Variants in WDFY2 observed in about 807,000 individuals in gnomAD.
WDFY2 encodes WD repeat and FYVE domain containing 2, also known as WD repeat and FYVE domain-containing protein 2.
In WDFY2, 36 loss-of-function variants were observed where a neutral mutation model predicts 56.4. The ratio of observed to expected loss-of-function variants is 0.64; its 90% CI spans 0.49 to 0.84. The LOEUF (loss-of-function observed/expected upper bound fraction) is 0.84. Among genes scored for constraint, WDFY2 ranks in the 40% least tolerant of loss-of-function variants. WDFY2 has a pLI of 0.00. For synonymous variants in WDFY2, 176 were observed against 183.7 expected (o/e 0.96, Z 0.34); for missense variants, 444 against 512.2 (o/e 0.87, Z 1.29).
At chr13:51,728,534 AC>A in intron 6 of WDFY2, among the ~76,000 whole-genome samples, 1 of 152,214 alleles carries the variant, frequency 6.6e-6, no homozygotes, top group African/African-American at 2.4e-5. Flanking sequence ...CCAGCTACAA[AC>A]CCATGATTTT....
At chr13:51,610,430 T>C (rs1342130500) in intron 1 of WDFY2, among the ~76,000 whole-genome samples, 1 of 152,174 alleles carries the variant, frequency 6.6e-6, no homozygotes, top group Non-Finnish European at 1.5e-5. Flanking sequence ...TTGTATGAAT[T>C]TTTTTGTATG....
intron 1 of WDFY2, among the ~76,000 whole-genome samples, chr13:51,620,165 C>T (rs1404407144): frequency 2.4e-5 from 3 of 123,718 alleles, no homozygotes; most frequent in African/African-American, 6.2e-5. Flanking sequence ...TTTTAAAAAA[C>T]GTAAAATGCT....
chr13:51,690,239 C>A (rs1956128768), intron 3 of WDFY2, among the ~76,000 whole-genome samples: 1 of 150,672 alleles, frequency 6.6e-6, no homozygotes, highest in African/African-American at 2.4e-5. Flanking sequence ...TACATGTGCA[C>A]ATTGTGCAGG....
intron 3 of WDFY2, among the ~76,000 whole-genome samples, chr13:51,692,458 G>T (rs1951760900): frequency 6.6e-6 from 1 of 152,136 alleles, no homozygotes; most frequent in Non-Finnish European, 1.5e-5. Context: ...TAATCATGTG[G>T]TTTTTCTCTT....
At chr13:51,629,826 C>CTTTTTTTTTTTT (rs11432630) in intron 1 of WDFY2, among the ~76,000 whole-genome samples, 22 of 125,128 alleles carry the variant, frequency 1.8e-4, no homozygotes, top group African/African-American at 2.4e-4. Context: ...TCTTTCTTTT[C>CTTTTTTTTTTTT]TTTTTTTTTT....
chr13:51,625,604 ATCC>A (rs1267441459), intron 1 of WDFY2, among the ~76,000 whole-genome samples: 3 of 152,184 alleles, frequency 2.0e-5, no homozygotes, highest in Non-Finnish European at 4.4e-5. Flanking sequence ...TCCATTAAAA[ATCC>A]TCCTCAATTC....
chr13:51,673,245 C>T (rs943723920), intron 2 of WDFY2, among the ~76,000 whole-genome samples: 3 of 152,140 alleles, frequency 2.0e-5, no homozygotes, highest in African/African-American at 2.4e-5. Flanking sequence ...TATTTTAAAT[C>T]ACATTCAAAT....
At chr13:51,746,107 CTGGGATTACA>C (rs1346225195) in intron 7 of WDFY2, among the ~76,000 whole-genome samples, 3 of 151,378 alleles carry the variant, frequency 2.0e-5, no homozygotes, top group African/African-American at 7.3e-5. Context: ...TCCCAAGTAG[CTGGGATTACA>C]TGGGATTACA....
At chr13:51,622,503 A>G (rs1954751514) in intron 1 of WDFY2, among the ~76,000 whole-genome samples, 2 of 152,156 alleles carry the variant, frequency 1.3e-5, no homozygotes, top group African/African-American at 2.4e-5. Context: ...CTCTTTCTCT[A>G]ATTGCATTAA....
intron 3 of WDFY2, among the ~76,000 whole-genome samples, chr13:51,701,542 A>G (rs1951985285): frequency 1.4e-5 from 2 of 145,902 alleles, no homozygotes; most frequent in Non-Finnish European, 3.0e-5. Context: ...AAAAAAAAGT[A>G]ATAACAAAAG....
chr13:51,645,561 A>G (rs986812676), intron 1 of WDFY2, among the ~76,000 whole-genome samples: 4 of 152,038 alleles, frequency 2.6e-5, no homozygotes, highest in East Asian at 1.9e-4. Flanking sequence ...AATGACCTAT[A>G]TAGATAGTGT....
At chr13:51,631,945 C>T (rs1954961189) in intron 1 of WDFY2, among the ~76,000 whole-genome samples, 1 of 152,122 alleles carries the variant, frequency 6.6e-6, no homozygotes, top group Admixed American at 6.5e-5. Flanking sequence ...TATATCCTCC[C>T]TTCCTTAAGA....
At chr13:51,708,242 T>C (rs1593436194) in intron 4 of WDFY2, among the ~76,000 whole-genome samples, 2 of 151,456 alleles carry the variant, frequency 1.3e-5, no homozygotes, top group African/African-American at 4.9e-5. Context: ...GCTGTGATCC[T>C]AGCACTTTGG....
intron 3 of WDFY2, among the ~76,000 whole-genome samples, chr13:51,688,258 G>A (rs1010465252): frequency 6.6e-5 from 10 of 152,280 alleles, no homozygotes; most frequent in Admixed American, 2.0e-4. Context: ...CATTAGTGGC[G>A]TGTGGTGCTT....
intron 3 of WDFY2, among the ~76,000 whole-genome samples, chr13:51,693,227 T>G (rs1951784350): frequency 6.6e-6 from 1 of 152,174 alleles, no homozygotes; most frequent in South Asian, 2.1e-4. Flanking sequence ...TCTGCTAGCT[T>G]TTGAATGTGT....
chr13:51,640,134 G>A (rs1014791058), intron 1 of WDFY2, among the ~76,000 whole-genome samples: 1 of 152,152 alleles, frequency 6.6e-6, no homozygotes, highest in East Asian at 1.9e-4. Flanking sequence ...TATCAATAAA[G>A]GATATTAAAT....
chr13:51,627,954 GAA>G (rs1954869145), intron 1 of WDFY2, among the ~76,000 whole-genome samples: 1 of 152,164 alleles, frequency 6.6e-6, no homozygotes, highest in Admixed American at 6.5e-5. Flanking sequence ...CAGAGGGGAG[GAA>G]GTGCATGCTG....
intron 1 of WDFY2, among the ~76,000 whole-genome samples, chr13:51,641,632 C>T (rs1955161732): frequency 2.0e-5 from 3 of 149,582 alleles, no homozygotes; most frequent in Non-Finnish European, 3.0e-5. Flanking sequence ...CGAGACCATC[C>T]CGGCTAAAAC....
At position 51,697,649 on chromosome 13, in the gene WDFY2, T is replaced by A. The variant is rs867992062; in HGVS notation, c.280-5947T>A. 5.3e-3 allele frequency among the ~76,000 whole-genome samples: 774 copies of A among 147,212 alleles called. 5 individuals carry two copies. Among genetic ancestry groups the A allele is most frequent in the African/African-American group, 0.015 (594 of 39,934 alleles). ...TCCTGCCTCAAAAAAAAAAAAAAAATGAAATGTAACAGTTAAAGACTAATT... is the reference window on the plus strand; with the variant it reads ...TCCTGCCTCAAAAAAAAAAAAAAAAAGAAATGTAACAGTTAAAGACTAATT... On this transcript the variant is annotated intron_variant, in intron 3 of 11. Coordinates refer to ENST00000298125, the MANE Select transcript of WDFY2 (RefSeq NM_052950.4).
Sources: gnomAD v4.1 joint callset for allele counts (sites outside exome capture counted in the v4.1 genomes callset) on GRCh38, gnomAD v4.1.1 for gene constraint, MANE v1.5 for transcripts, NCBI Gene and HGNC (gene_info 2026-07-23, HGNC 2026-07-21) for gene names.